BTC: variants seen among roughly 807,000 people sequenced by gnomAD.
The protein encoded by BTC is probetacellulin.
In BTC, 13 loss-of-function variants were observed where a neutral mutation model predicts 18.1. That is an observed-to-expected ratio of 0.72 (90% CI 0.47 to 1.14). The LOEUF is 1.14. Ranked by LOEUF, BTC falls within the 50% of genes most tolerant of loss-of-function variation. BTC has a pLI of 0.00. For missense variants in BTC, 247 were observed against 224.2 expected, an observed-to-expected ratio of 1.10 and a Z score of -0.65; for synonymous variants, 83 against 79.4, an observed-to-expected ratio of 1.05 and a Z score of -0.24.
chr4:74,784,450 T>C (rs1725424554), intron 1 of BTC, among the ~76,000 whole-genome samples: 1 of 152,114 alleles, frequency 6.6e-6, no homozygotes. Flanking sequence ...GGCCAGAACA[T>C]TCAATACTAT....
chr4:74,793,536 C>A (rs1281740973), intron 1 of BTC, among the ~76,000 whole-genome samples: 1 of 152,184 alleles, frequency 6.6e-6, no homozygotes, highest in African/African-American at 2.4e-5. Flanking sequence ...CTCTGCCCCG[C>A]AAAATGACCA....
intron 4 of BTC, among the ~76,000 whole-genome samples, chr4:74,748,404 TG>T (rs1724352492): frequency 6.6e-6 from 1 of 151,946 alleles, no homozygotes; most frequent in Non-Finnish European, 1.5e-5. Context: ...GACGTGGTGG[TG>T]GGCGCCTGTA....
chr4:74,790,417 C>G (rs898891891), intron 1 of BTC, among the ~76,000 whole-genome samples: 1 of 152,094 alleles, frequency 6.6e-6, no homozygotes, highest in Admixed American at 6.5e-5. Flanking sequence ...GAGACTTGCC[C>G]GAAGTTTCAG....
intron 2 of BTC, among the ~76,000 whole-genome samples, chr4:74,768,745 T>C (rs139604249): frequency 1.1e-3 from 172 of 152,294 alleles, no homozygotes; most frequent in African/African-American, 3.9e-3. Context: ...TAAATGTTCT[T>C]ACTACAATAA....
chr4:74,749,590 T>C (rs1166759106), intron 4 of BTC, among the ~76,000 whole-genome samples: 1 of 151,490 alleles, frequency 6.6e-6, no homozygotes, highest in Admixed American at 6.6e-5. Flanking sequence ...GAACCCTCTT[T>C]ATGTGTGGAC....
chr4:74,778,968 G>C (rs1271305532), intron 1 of BTC, among the ~76,000 whole-genome samples: 1 of 152,126 alleles, frequency 6.6e-6, no homozygotes, highest in African/African-American at 2.4e-5. Flanking sequence ...ATCATCTGGA[G>C]AACTGCCTAT....
chr4:74,765,300 A>C (rs1187998767), intron 2 of BTC, among the ~76,000 whole-genome samples: 1 of 152,128 alleles, frequency 6.6e-6, no homozygotes, highest in African/African-American at 2.4e-5. Context: ...TTTTTAAATC[A>C]AATATAAATT....
intron 2 of BTC, among the ~76,000 whole-genome samples, chr4:74,760,368 C>T (rs1176438981): frequency 6.6e-6 from 1 of 152,164 alleles, no homozygotes; most frequent in Non-Finnish European, 1.5e-5. Flanking sequence ...GAAGTAGAGC[C>T]TAGGGCTTTG....
chr4:74,783,587 CTTTTTTTTTTT>C (rs71220728), intron 1 of BTC, among the ~76,000 whole-genome samples: 3 of 83,574 alleles, frequency 3.6e-5, no homozygotes, highest in South Asian at 4.6e-4. Context: ...CTATTCGGCT[CTTTTTTTTTTT>C]TTTTTTTTTT....
chr4:74,793,941 G>A (rs1462503594), intron 1 of BTC, among the ~76,000 whole-genome samples: 1 of 150,630 alleles, frequency 6.6e-6, no homozygotes, highest in Admixed American at 6.6e-5. Context: ...CAGCCCGCCG[G>A]CGCCGCCAGG....
rs1292144718 is a variant in BTC at position 74,792,196 on chromosome 4, G to A, written c.64+2066C>T. ...TTTGCAAGAAATAGAGCTTTAAGGG[G>A]ATCTAGAGACCAAATTCAATTTCCC... is the stretch of plus-strand genomic sequence containing the variant. On this transcript the variant is annotated intron_variant, in intron 1 of 5. Transcript: ENST00000395743. 2.0e-5 allele frequency among the ~76,000 whole-genome samples: 3 copies of A among 152,292 alleles called. No individual in the cohort carries two copies. The East Asian group carries it at 5.8e-4, about 29-fold the overall frequency.
intron 3 of BTC, among the ~76,000 whole-genome samples, chr4:74,752,153 TA>T (rs1724477985): frequency 6.6e-6 from 1 of 152,076 alleles, no homozygotes; most frequent in Non-Finnish European, 1.5e-5. Context: ...ACAAGCTCAG[TA>T]ACAGCCATCA....
At chr4:74,749,687 TG>T (rs375192094) in intron 4 of BTC, among the ~76,000 whole-genome samples, 6,384 of 117,364 alleles carry the variant, frequency 0.054, 414 homozygotes, top group African/African-American at 0.13. Flanking sequence ...TAGTTTTTTT[TG>T]TTGTTGTTGT....
chr4:74,766,964 G>T (rs1442128541), intron 2 of BTC, among the ~76,000 whole-genome samples: 1 of 151,888 alleles, frequency 6.6e-6, no homozygotes, highest in Non-Finnish European at 1.5e-5. Flanking sequence ...TAACTAACAT[G>T]GTACTTAATG....
At chr4:74,755,284 G>T (rs1724568500) in intron 3 of BTC, among the ~76,000 whole-genome samples, 1 of 152,138 alleles carries the variant, frequency 6.6e-6, no homozygotes, top group South Asian at 2.1e-4. Flanking sequence ...CTTTTTAGAA[G>T]AAAACACATA....
intron 1 of BTC, among the ~76,000 whole-genome samples, chr4:74,786,471 C>T (rs1725480560): frequency 6.6e-6 from 1 of 152,244 alleles, no homozygotes; most frequent in African/African-American, 2.4e-5. Flanking sequence ...ACTCAGGCTG[C>T]AGTCAGCCTC....
At chr4:74,763,368 A>G (rs1341050937) in intron 2 of BTC, among the ~76,000 whole-genome samples, 1 of 152,128 alleles carries the variant, frequency 6.6e-6, no homozygotes, top group Non-Finnish European at 1.5e-5. Flanking sequence ...GCATGGTCTT[A>G]GTGTGCCACA....
At chr4:74,777,813 T>G (rs534554195) in intron 1 of BTC, among the ~76,000 whole-genome samples, 1 of 144,344 alleles carries the variant, frequency 6.9e-6, no homozygotes, top group Non-Finnish European at 1.5e-5. Context: ...CAGATCATAG[T>G]AATAACTAAA....
At chr4:74,750,342 C>T (rs1480792110) in intron 4 of BTC, among the ~76,000 whole-genome samples, 1 of 152,044 alleles carries the variant, frequency 6.6e-6, no homozygotes, top group African/African-American at 2.4e-5. Context: ...ATGTAGCCTA[C>T]TATACAAATT....
Sources: gnomAD v4.1 joint callset for allele counts (sites outside exome capture counted in the v4.1 genomes callset) on GRCh38, gnomAD v4.1.1 for gene constraint, MANE v1.5 for transcripts, NCBI Gene and HGNC (gene_info 2026-07-23, HGNC 2026-07-21) for gene names.